CNTLN: variants seen among roughly 807,000 people sequenced by gnomAD.
CNTLN encodes the protein centlein, centrosomal protein.
A neutral mutation model predicts 180.0 loss-of-function variants in CNTLN; 212 were observed. That is an observed-to-expected ratio of 1.18 (90% CI 1.05 to 1.32). The LOEUF (loss-of-function observed/expected upper bound fraction) is 1.32, where lower values mean the gene tolerates loss of function less well. Among genes scored for constraint, CNTLN ranks in the 40% most tolerant of loss-of-function variants. The pLI, the probability that CNTLN is intolerant of heterozygous loss-of-function variation, is 0.00. For synonymous variants in CNTLN, 722 were observed against 563.1 expected (o/e 1.28, Z -3.99); for missense variants, 2,095 against 1,610.9 (o/e 1.30, Z -5.14).
intron 18 of CNTLN, among the ~76,000 whole-genome samples, chr9:17,433,162 G>C (rs1829531734): frequency 6.6e-6 from 1 of 151,802 alleles, no homozygotes; most frequent in Non-Finnish European, 1.5e-5. Context: ...TAAAATTGAA[G>C]AGTAAAAAAA....
chr9:17,275,585 A>T (rs1162767395), intron 6 of CNTLN, among the ~76,000 whole-genome samples: 2 of 152,126 alleles, frequency 1.3e-5, no homozygotes, highest in Non-Finnish European at 2.9e-5. Context: ...TACATTTTAG[A>T]GTATGATGGT....
chr9:17,290,053 G>A (rs1829263730), intron 6 of CNTLN, among the ~76,000 whole-genome samples: 1 of 152,298 alleles, frequency 6.6e-6, no homozygotes, highest in Non-Finnish European at 1.5e-5. Flanking sequence ...TGCTGGTGAG[G>A]AACTGCGTTC....
chr9:17,450,089 T>C (rs974098844), intron 18 of CNTLN, among the ~76,000 whole-genome samples: 1 of 152,214 alleles, frequency 6.6e-6, no homozygotes, highest in African/African-American at 2.4e-5. Context: ...GAGTAGCGTA[T>C]CTCTTATCCA....
chr9:17,495,830 A>G (rs1009991174), intron 25 of CNTLN, among the ~76,000 whole-genome samples: 2 of 152,144 alleles, frequency 1.3e-5, no homozygotes, highest in African/African-American at 4.8e-5. Flanking sequence ...AAAGTCTTCT[A>G]TACCATATTT....
intron 6 of CNTLN, among the ~76,000 whole-genome samples, chr9:17,288,028 G>C (rs1036484356): frequency 2.2e-5 from 3 of 139,190 alleles, no homozygotes; most frequent in South Asian, 2.5e-4. Flanking sequence ...TCTGATGTTA[G>C]TTATTTCTTG....
At position 17,302,612 on chromosome 9, in the gene CNTLN, C is replaced by T. The variant is rs113359572; in HGVS notation, c.1146+4260C>T. 5.9e-3 allele frequency among the ~76,000 whole-genome samples: 861 copies of T among 146,888 alleles called. 14 individuals carry two copies. The highest frequency in any genetic ancestry group is 0.021 in the African/African-American group (820 of 39,090). On this transcript the variant is annotated intron_variant, in intron 7 of 25. Coordinates refer to ENST00000380647, the MANE Select transcript of CNTLN (RefSeq NM_017738.4). Reference sequence around the variant, plus strand: ...ACCTGCCTACTACATGATCAGTAAACGTTAAGTTACTGAAACTTGAGACAT... The same window carrying T: ...ACCTGCCTACTACATGATCAGTAAATGTTAAGTTACTGAAACTTGAGACAT...
chr9:17,465,180 G>A (rs902860659), intron 21 of CNTLN, among the ~76,000 whole-genome samples: 14 of 149,614 alleles, frequency 9.4e-5, no homozygotes, highest in South Asian at 4.2e-4. Context: ...CTGTGCTTTG[G>A]CATTCACTAA....
chr9:17,143,574 C>G (rs1818251611), intron 2 of CNTLN, among the ~76,000 whole-genome samples, 198 bp downstream of exon 2: 1 of 152,148 alleles, frequency 6.6e-6, no homozygotes, highest in South Asian at 2.1e-4. Flanking sequence ...TGTTCCTGTT[C>G]ATATTCTGAC....
intron 13 of CNTLN, among the ~76,000 whole-genome samples, chr9:17,385,375 G>T (rs182820799): frequency 6.6e-6 from 1 of 152,128 alleles, no homozygotes; most frequent in Non-Finnish European, 1.5e-5. Flanking sequence ...GGGGCTGGAC[G>T]TTAAAACCAT....
intron 13 of CNTLN, among the ~76,000 whole-genome samples, chr9:17,379,870 T>C (rs1228639244): frequency 6.6e-6 from 1 of 152,182 alleles, no homozygotes; most frequent in Non-Finnish European, 1.5e-5. Context: ...CCTCTAGTCT[T>C]CCCAAATGAA....
At chr9:17,181,688 G>A (rs1281034424) in intron 2 of CNTLN, among the ~76,000 whole-genome samples, 1 of 152,202 alleles carries the variant, frequency 6.6e-6, no homozygotes, top group Non-Finnish European at 1.5e-5. Context: ...TTCTATCAGA[G>A]GAGGAGTTAG....
chr9:17,457,759 G>T, intron 19 of CNTLN, 44 bp downstream of exon 19: 1 of 1,177,704 alleles, frequency 8.5e-7, no homozygotes, highest in South Asian at 2.8e-5. Context: ...CATTATGCTT[G>T]AATCCTGCAA....
chr9:17,512,279 G>A, the CNTLN span, among the ~76,000 whole-genome samples: 32 of 152,280 alleles, frequency 2.1e-4, no homozygotes, highest in African/African-American at 6.0e-4. Flanking sequence ...TCTACATACC[G>A]TATCAGTAGC....
chr9:17,151,295 G>A (rs76091138), intron 2 of CNTLN, among the ~76,000 whole-genome samples: 1 of 152,138 alleles, frequency 6.6e-6, no homozygotes, highest in Non-Finnish European at 1.5e-5. Flanking sequence ...CTCATAAATA[G>A]CTCTTATTAT....
intron 7 of CNTLN, among the ~76,000 whole-genome samples, chr9:17,304,696 T>C (rs1285898740): frequency 2.0e-5 from 3 of 152,074 alleles, no homozygotes; most frequent in Non-Finnish European, 4.4e-5. Context: ...ATTGAAAATA[T>C]TTGGGAAAAA....
intron 2 of CNTLN, among the ~76,000 whole-genome samples, chr9:17,175,146 G>T (rs1045199085): frequency 3.3e-5 from 5 of 152,132 alleles, no homozygotes; most frequent in Non-Finnish European, 5.9e-5. Context: ...AAATTTTGAT[G>T]AAGTCCAATT....
chr9:17,502,008 A>G (rs16935740), intron 25 of CNTLN, among the ~76,000 whole-genome samples: 7,528 of 152,326 alleles, frequency 0.049, 481 homozygotes, highest in African/African-American at 0.15. Flanking sequence ...AGTTTGCAAC[A>G]TGTGTATTAC....
At chr9:17,412,190 G>A (rs1827898503) in intron 16 of CNTLN, among the ~76,000 whole-genome samples, 1 of 152,120 alleles carries the variant, frequency 6.6e-6, no homozygotes. Context: ...ACTAAGACTG[G>A]ATTTCCACTT....
Position 17,394,926 on chromosome 9 carries a change from T to C in CNTLN, c.2472T>C (p.Thr824=), listed in dbSNP as rs372194162. ...CTGGACGATATGATTGTAAGACAAC[T>C]ATGACCAAGGTTAAATTTAAAGCTG... The part of the protein sequence containing the change: ...VRSGRYDCKT[T]MTKVKFKAAK... The change falls in exon 15 of 26, where the codon ACT becomes ACC. Residue 824 remains threonine (T), a synonymous_variant. Transcript: ENST00000380647. 6.2e-7 allele frequency: 1 copy of C among 1,613,946 alleles called. No individual in the cohort carries two copies. Among genetic ancestry groups the C allele is most frequent in the Non-Finnish European group, 8.5e-7 (1 of 1,179,972 alleles).
Sources: gnomAD v4.1 joint callset for allele counts (sites outside exome capture counted in the v4.1 genomes callset) on GRCh38, gnomAD v4.1.1 for gene constraint, MANE v1.5 for transcripts, NCBI Gene and HGNC (gene_info 2026-07-23, HGNC 2026-07-21) for gene names.